The following GPR132 variants were observed in gnomAD, a reference collection of about 807,000 sequenced individuals.
GPR132 encodes the protein G protein-coupled receptor 132, also known as probable G protein-coupled receptor 132.
A neutral mutation model predicts 1.9 loss-of-function variants in GPR132; 4 were observed. The ratio of observed to expected loss-of-function variants is 2.13; its 90% CI spans 1.05 to 4.87. The LOEUF (loss-of-function observed/expected upper bound fraction) is 4.87. GPR132 is among the 30% of genes most tolerant of loss of function. The probability of loss-of-function intolerance (pLI) is 0.01; values close to 1 mark genes in which losing one functional copy is unlikely to be tolerated. For synonymous variants in GPR132, 233 were observed against 234.2 expected (o/e 0.99, Z 0.05); for missense variants, 404 against 512.5 (o/e 0.79, Z 2.04).
intron 1 of GPR132, among the ~76,000 whole-genome samples, chr14:105,058,986 AGCCTGGCG>A (rs1566736048): frequency 6.6e-6 from 1 of 152,192 alleles, no homozygotes; most frequent in South Asian, 2.1e-4. Flanking sequence ...ATAGAGGCTG[AGCCTGGCG>A]GCTGCCTCAC....
chr14:105,061,198 T>C (rs1478666161), intron 1 of GPR132, among the ~76,000 whole-genome samples: 1 of 152,236 alleles, frequency 6.6e-6, no homozygotes, highest in Non-Finnish European at 1.5e-5. Flanking sequence ...GAGGTCCAGC[T>C]CCTCACCACG....
At position 105,056,278 on chromosome 14, in the gene GPR132, C is replaced by T. The variant is rs1218930682; in HGVS notation, c.-746-112G>A. ...GGCGGGGGGCAGTGAAGGCAGTTCT[C>T]GGGTGGGAGGCCCAACGCCTGTGTT... On this transcript the variant is annotated intron_variant, in intron 2 of 3. Coordinates refer to ENST00000329797, the MANE Select transcript of GPR132 (RefSeq NM_013345.4). This position sits in a 1 kb window ranked among gnomAD's most constrained non-coding sequence, Gnocchi z 6.0. 8 of 455,772 alleles carry T rather than the reference C, an allele frequency of 1.8e-5. No individual in the cohort carries two copies. In the Admixed American group the frequency reaches 3.2e-4, roughly 18 times the overall value. The allele number at this position is 455,772 out of a possible 1,614,324, so 28.2% of individuals were successfully genotyped here. A position where few individuals can be genotyped will look rare whatever the true frequency, so the allele number is the denominator to read the frequency against.
At position 105,049,987 on chromosome 14, in the gene GPR132, C is replaced by G. The variant is rs1324022337; in HGVS notation, c.*1007G>C. 6.6e-6 allele frequency: 1 copy of G among 152,174 alleles called. No homozygotes were observed. The highest frequency in any genetic ancestry group is 6.5e-5 in the Admixed American group (1 of 15,276). 9.4% of individuals were successfully genotyped at this position (152,174 alleles called of 1,614,324 possible). ...GTGCTCTGAGTGCATGCGATGTGCC[C>G]GAGGTGTCGGGGCAGGGAGGAGGAT... is the stretch of plus-strand genomic sequence containing the variant. On this transcript the variant is annotated 3_prime_UTR_variant, in exon 4 of 4. Transcript: ENST00000329797.
chr14:105,055,584 G>A lies in GPR132; in HGVS notation c.-164C>T, dbSNP rs572820860. ...CTGGGCTCCCCTGTCACCTCCCCAC[G>A]TGGGTGGGCATCTCTGCGTGTCTTC... On this transcript the variant is annotated 5_prime_UTR_variant, in exon 3 of 4. The change creates a new upstream start codon in the 5' untranslated region. Coordinates refer to ENST00000329797, the MANE Select transcript of GPR132 (RefSeq NM_013345.4). This position sits in a 1 kb window ranked among gnomAD's most constrained non-coding sequence, Gnocchi z 4.7. 2.1e-5 allele frequency: 14 copies of A among 681,014 alleles called. No individual in the cohort carries two copies. The East Asian group carries it at 2.9e-4, about 14-fold the overall frequency. The allele number at this position is 681,014 out of a possible 1,614,324, so 42.2% of individuals were successfully genotyped here. A position where few individuals can be genotyped will look rare whatever the true frequency, so the allele number is the denominator to read the frequency against.
chr14:105,062,003 G>T (rs1373343104), intron 1 of GPR132, among the ~76,000 whole-genome samples: 2 of 152,240 alleles, frequency 1.3e-5, no homozygotes, highest in Non-Finnish European at 2.9e-5. Context: ...GACTCCAGGG[G>T]ACTCTGTTCT....
chr14:105,054,177 A>G, intron 3 of GPR132: 1 of 1,257,358 alleles, frequency 8.0e-7, no homozygotes, highest in Non-Finnish European at 1.0e-6. Flanking sequence ...TGACGGACGG[A>G]CAGAGCGTTG....
chr14:105,052,138 C>G (rs762533990), intron 3 of GPR132, 36 bp from the exon 4 acceptor site: 2 of 1,506,788 alleles, frequency 1.3e-6, no homozygotes, highest in Non-Finnish European at 1.8e-6. Context: ...ACGGGAGTCC[C>G]TGGAAACCAC....
At position 105,055,512 on chromosome 14, in the gene GPR132, C is replaced by T; in HGVS notation, c.-92G>A. ...TCTGCCCCAGGAAGCACTCGCTCCG[C>T]ATTTGCTCCCAGCCCCCAGGCCTCC... On this transcript the variant is annotated 5_prime_UTR_variant, in exon 3 of 4. An upstream start codon of the reference 5' UTR is lost. Coordinates refer to ENST00000329797, the MANE Select transcript of GPR132 (RefSeq NM_013345.4). This position sits in a 1 kb window ranked among gnomAD's most constrained non-coding sequence, Gnocchi z 4.7. 1.3e-6 allele frequency: 1 copy of T among 764,394 alleles called. No homozygotes were observed. Among genetic ancestry groups the T allele is most frequent in the Non-Finnish European group, 2.5e-6 (1 of 405,636 alleles). 47.4% of individuals were successfully genotyped at this position (764,394 alleles called of 1,614,324 possible).
Position 105,060,144 on chromosome 14 carries a change from C to T in GPR132, c.-860-2864G>A, listed in dbSNP as rs758847402. On this transcript the variant is annotated intron_variant, in intron 1 of 3. Coordinates refer to ENST00000329797, the MANE Select transcript of GPR132 (RefSeq NM_013345.4). The surrounding 1 kb of genome is among the most constrained non-coding windows in gnomAD (Gnocchi z 6.3). Reference sequence around the variant, plus strand: ...CGCTGAGGGTCTTCAGACTCTCCCTCGGGTGCCTGTGTGCTGGGCGCTGCC... The same window carrying T: ...CGCTGAGGGTCTTCAGACTCTCCCTTGGGTGCCTGTGTGCTGGGCGCTGCC... Among the ~76,000 whole-genome samples the T allele has an allele frequency of 4.6e-5, 7 of 152,190 alleles. No homozygotes were observed. Among genetic ancestry groups the T allele is most frequent in the Non-Finnish European group, 1.5e-5 (1 of 68,042 alleles).
At chr14:105,053,425 G>T (rs183101495) in intron 3 of GPR132, among the ~76,000 whole-genome samples, 42 of 152,254 alleles carry the variant, frequency 2.8e-4, no homozygotes, top group African/African-American at 9.9e-4. Context: ...CTCCCAAAGT[G>T]CTGGGATTAC....
Position 105,057,220 on chromosome 14 carries a change from A to C in GPR132, c.-800T>G. 1 of 1,444,780 alleles carries C rather than the reference A, an allele frequency of 6.9e-7. No homozygotes were observed. The highest frequency in any genetic ancestry group is 9.4e-7 in the Non-Finnish European group (1 of 1,063,794). The allele number at this position is 1,444,780 out of a possible 1,614,324, so 89.5% of individuals were successfully genotyped here. ...GTGTGGCTCTAAGATAAGCTTTCTA[A>C]GTACATGTCATGCGTCTTGTCGGTC... is the stretch of plus-strand genomic sequence containing the variant. On this transcript the variant is annotated 5_prime_UTR_variant, in exon 2 of 4. Coordinates refer to ENST00000329797, the MANE Select transcript of GPR132 (RefSeq NM_013345.4).
chr14:105,059,747 C>A lies in GPR132; in HGVS notation c.-860-2467G>T, dbSNP rs1031516854. Among the ~76,000 whole-genome samples the A allele has an allele frequency of 6.6e-6, 1 of 152,186 alleles. No individual in the cohort carries two copies. Among genetic ancestry groups the A allele is most frequent in the Non-Finnish European group, 1.5e-5 (1 of 68,028 alleles). ...ACCCTGGGCACGTCATCAGGACTTC[C>A]TGAGGCTGTGTCACAGACGCGTGTC... On this transcript the variant is annotated intron_variant, in intron 1 of 3. Coordinates refer to ENST00000329797, the MANE Select transcript of GPR132 (RefSeq NM_013345.4). This position sits in a 1 kb window ranked among gnomAD's most constrained non-coding sequence, Gnocchi z 4.2.
chr14:105,057,324 G>T, intron 1 of GPR132, 44 bp from the exon 2 acceptor site: 1 of 652,562 alleles, frequency 1.5e-6, no homozygotes, highest in South Asian at 1.8e-5. Context: ...AAATCAGATT[G>T]AGTCACAAGT....
At chr14:105,054,311 C>T (rs748292228) in intron 3 of GPR132, 8 of 1,064,650 alleles carry the variant, frequency 7.5e-6, no homozygotes, top group Non-Finnish European at 9.2e-6. Flanking sequence ...ATGCAAATGT[C>T]GTAGTTTCCT....
Position 105,049,461 on chromosome 14 carries a change from C to T in GPR132, c.*1533G>A, listed in dbSNP as rs924215092. 1 of 151,402 alleles carries T rather than the reference C, an allele frequency of 6.6e-6. No homozygotes were observed. The highest frequency in any genetic ancestry group is 1.5e-5 in the Non-Finnish European group (1 of 67,884). 9.4% of individuals were successfully genotyped at this position (151,402 alleles called of 1,614,324 possible). On this transcript the variant is annotated 3_prime_UTR_variant, in exon 4 of 4. Coordinates refer to ENST00000329797, the MANE Select transcript of GPR132 (RefSeq NM_013345.4). ...ACCAAAAAAAAGAGACAAGATTTTGCCATGTTGCCGAGGCTGGTCTCAAAC... is the reference window on the plus strand; with the variant it reads ...ACCAAAAAAAAGAGACAAGATTTTGTCATGTTGCCGAGGCTGGTCTCAAAC...
In GPR132 at chr14:105,053,611, C is replaced by A. The variant is rs1028037424; in HGVS notation, c.35-1509G>T. Among the ~76,000 whole-genome samples, 4 of 152,056 alleles carry A rather than the reference C, an allele frequency of 2.6e-5. No homozygotes were observed. In the South Asian group the frequency reaches 8.3e-4, roughly 32 times the overall value. On this transcript the variant is annotated intron_variant, in intron 3 of 3. Coordinates refer to ENST00000329797, the MANE Select transcript of GPR132 (RefSeq NM_013345.4). ...TATTTGAAGCTACTGTGAATTGGGG[C>A]ATAGGAGTCACAGATGGTTCTGTCT... is the stretch of plus-strand genomic sequence containing the variant.
chr14:105,051,039 T>C lies in GPR132; in HGVS notation c.1098A>G (p.Pro366=). The C allele has an allele frequency of 1.9e-6, 3 of 1,614,036 alleles. No homozygotes were observed. Among genetic ancestry groups the C allele is most frequent in the Middle Eastern group, 1.6e-4 (1 of 6,062 alleles). The part of the protein sequence containing the change: ...HYTFSRPVHP[P]GSPCPAKRLI... ...GCCTCTTTGCAGGGCATGGTGACCC[T>C]GGTGGGTGCACGGGCCTGGAGAAGG... is the stretch of plus-strand genomic sequence containing the variant. The change falls in exon 4 of 4, where the codon CCA becomes CCG. Residue 366 remains proline (P), a synonymous_variant. Coordinates refer to ENST00000329797, the MANE Select transcript of GPR132 (RefSeq NM_013345.4). The surrounding 1 kb of genome is among the most constrained non-coding windows in gnomAD (Gnocchi z 8.0).
In GPR132 at chr14:105,049,473, G is replaced by A. The variant is rs1351348999; in HGVS notation, c.*1521C>T. On this transcript the variant is annotated 3_prime_UTR_variant, in exon 4 of 4. Transcript: ENST00000329797. Reference sequence around the variant, plus strand: ...AGACAAGATTTTGCCATGTTGCCGAGGCTGGTCTCAAACTCCTGACCTCAA... The same window carrying A: ...AGACAAGATTTTGCCATGTTGCCGAAGCTGGTCTCAAACTCCTGACCTCAA... The A allele has an allele frequency of 1.3e-5, 2 of 151,900 alleles. No individual in the cohort carries two copies. The highest frequency in any genetic ancestry group is 1.9e-4 in the East Asian group (1 of 5,160). 9.4% of individuals were successfully genotyped at this position (151,900 alleles called of 1,614,324 possible).
At position 105,056,232 on chromosome 14, in the gene GPR132, A is replaced by G. The variant is rs892050989; in HGVS notation, c.-746-66T>C. The G allele has an allele frequency of 7.4e-6, 7 of 940,294 alleles. No individual in the cohort carries two copies. In the African/African-American group the frequency reaches 1.2e-4, roughly 17 times the overall value. The allele number at this position is 940,294 out of a possible 1,614,324, so 58.2% of individuals were successfully genotyped here. On this transcript the variant is annotated intron_variant, in intron 2 of 3. Coordinates refer to ENST00000329797, the MANE Select transcript of GPR132 (RefSeq NM_013345.4). This position sits in a 1 kb window ranked among gnomAD's most constrained non-coding sequence, Gnocchi z 6.0. ...CACTCAGTTGTCACCACTTCGCCCA[A>G]GACACAGGCCTGTGGCGGGCGGCGG...
Sources: allele counts gnomAD v4.1 joint callset (sites outside exome capture counted in the v4.1 genomes callset), GRCh38; gene constraint gnomAD v4.1.1; non-coding constraint Gnocchi (gnomAD v3.1); transcripts MANE v1.5; gene names NCBI Gene and HGNC (gene_info 2026-07-23, HGNC 2026-07-21).